The following BAZ2B variants were observed in gnomAD, a reference collection of about 807,000 sequenced individuals.
The protein encoded by BAZ2B is bromodomain adjacent to zinc finger domain protein 2B.
BAZ2B carries 91 observed loss-of-function variants against 246.0 expected under a neutral mutation model. The observed-to-expected ratio is 0.37, with a 90% CI of 0.31 to 0.44. The LOEUF (loss-of-function observed/expected upper bound fraction) is 0.44. Ranked by LOEUF, BAZ2B falls within the 20% of genes least tolerant of loss-of-function variation. The pLI is 1.00. For synonymous variants in BAZ2B, 855 were observed against 860.0 expected, an observed-to-expected ratio of 0.99 and a Z score of 0.10; for missense variants, 2,332 against 2,533.7, an observed-to-expected ratio of 0.92 and a Z score of 1.71.
chr2:159,704,589 T>C, the BAZ2B span, among the ~76,000 whole-genome samples: 1 of 151,804 alleles, frequency 6.6e-6, no homozygotes, highest in Non-Finnish European at 1.5e-5. Context: ...TTCAAGTGAT[T>C]CTCCTGCCTC....
At chr2:159,615,119 G>A (rs1466129680) in intron 1 of BAZ2B, among the ~76,000 whole-genome samples, 1 of 152,096 alleles carries the variant, frequency 6.6e-6, no homozygotes, top group Non-Finnish European at 1.5e-5. Flanking sequence ...TTATAAGGAA[G>A]CAACAGACAA....
intron 31 of BAZ2B, among the ~76,000 whole-genome samples, chr2:159,343,777 A>T (rs906008164): frequency 2.6e-5 from 4 of 152,170 alleles, no homozygotes; most frequent in African/African-American, 9.7e-5. Context: ...CTGTAATCCC[A>T]GCACTTTGGG....
chr2:159,541,703 C>T (rs1054955460), intron 2 of BAZ2B, among the ~76,000 whole-genome samples: 3 of 152,168 alleles, frequency 2.0e-5, no homozygotes, highest in African/African-American at 7.2e-5. Flanking sequence ...GCTTTTAGTT[C>T]TTTCCTTCAA....
At chr2:159,336,206 TATAATAG>T (rs1283948612) in intron 33 of BAZ2B, among the ~76,000 whole-genome samples, 1 of 152,144 alleles carries the variant, frequency 6.6e-6, no homozygotes, top group Non-Finnish European at 1.5e-5. Flanking sequence ...AAAGACTACA[TATAATAG>T]ATAATTCTAT....
the BAZ2B span, among the ~76,000 whole-genome samples, chr2:159,705,355 G>A: frequency 6.6e-6 from 1 of 152,030 alleles, no homozygotes; most frequent in South Asian, 2.1e-4. Flanking sequence ...ACAAGTAGGT[G>A]ACAGAAAAAC....
chr2:159,705,394 CAA>C, the BAZ2B span, among the ~76,000 whole-genome samples: 3 of 152,102 alleles, frequency 2.0e-5, no homozygotes, highest in African/African-American at 7.2e-5. Context: ...GAGAAAGATT[CAA>C]AAGATAGGTA....
At chr2:159,670,442 C>T in the BAZ2B span, among the ~76,000 whole-genome samples, 3 of 152,170 alleles carry the variant, frequency 2.0e-5, no homozygotes, top group Non-Finnish European at 4.4e-5. Context: ...TATCTCTTCT[C>T]TTCATGTAAA....
the BAZ2B span, among the ~76,000 whole-genome samples, chr2:159,709,108 T>A: frequency 6.0e-5 from 9 of 150,604 alleles, no homozygotes; most frequent in East Asian, 1.7e-3. Flanking sequence ...CCCTTAGAAG[T>A]AGGAGTCCTC....
chr2:159,704,871 T>C, the BAZ2B span, among the ~76,000 whole-genome samples: 1 of 151,916 alleles, frequency 6.6e-6, no homozygotes, highest in Non-Finnish European at 1.5e-5. Context: ...CCCGGCTAAT[T>C]TTTTGTATTT....
chr2:159,473,036 T>C (rs547465878), intron 3 of BAZ2B, among the ~76,000 whole-genome samples: 2 of 152,314 alleles, frequency 1.3e-5, no homozygotes, highest in South Asian at 2.1e-4. Context: ...TTTTCTATTG[T>C]TTGGAATAGT....
the BAZ2B span, among the ~76,000 whole-genome samples, chr2:159,654,707 G>A: frequency 6.6e-6 from 1 of 152,198 alleles, no homozygotes; most frequent in Non-Finnish European, 1.5e-5. Context: ...GGGCATGGTG[G>A]CTCACACCTG....
intron 1 of BAZ2B, among the ~76,000 whole-genome samples, chr2:159,599,431 C>T (rs1691546837): frequency 6.6e-6 from 1 of 150,816 alleles, no homozygotes; most frequent in Non-Finnish European, 1.5e-5. Context: ...CCAGCCTGAC[C>T]AACATGGAGA....
rs1196684681 is a variant in BAZ2B at position 159,405,049 on chromosome 2, C to T, written c.2743G>A (p.Val915Ile). 6.2e-7 allele frequency: 1 copy of T among 1,613,908 alleles called. No homozygotes were observed. Among genetic ancestry groups the T allele is most frequent in the East Asian group, 2.2e-5 (1 of 44,878 alleles). Residue 915 changes from valine to isoleucine, a missense_variant, in exon 15 of 37, where the codon GTT becomes ATT. Val to Ile is a conservative substitution (Grantham distance 29). Transcript: ENST00000392783. The part of the protein sequence containing the change: ...RKLQKQEQAR[V>I]AKEAKKQQAI... ...TGTTGTTTTTTGGCTTCTTTAGCAA[C>T]CCGAGCCTGTTCCTGCTTTTGAAGT...
intron 26 of BAZ2B, among the ~76,000 whole-genome samples, chr2:159,374,066 G>GTTTTTTTTTT: frequency 8.0e-6 from 1 of 125,224 alleles, no homozygotes; most frequent in Admixed American, 8.4e-5. Flanking sequence ...GTTTTTCTTA[G>GTTTTTTTTTT]TTTTTTTTTC....
intron 1 of BAZ2B, among the ~76,000 whole-genome samples, chr2:159,607,839 C>A (rs952927416): frequency 2.0e-5 from 3 of 152,208 alleles, no homozygotes; most frequent in Admixed American, 2.0e-4. Context: ...GAAGCCATCT[C>A]TCTCCTACTA....
the BAZ2B span, among the ~76,000 whole-genome samples, chr2:159,696,448 C>T: frequency 1.3e-5 from 2 of 152,140 alleles, no homozygotes; most frequent in Non-Finnish European, 2.9e-5. Context: ...TTTTTACCCT[C>T]TTCTCCCCTA....
At chr2:159,598,404 A>T (rs1008109858) in intron 1 of BAZ2B, among the ~76,000 whole-genome samples, 2 of 152,238 alleles carry the variant, frequency 1.3e-5, no homozygotes, top group Non-Finnish European at 2.9e-5. Context: ...AGAGATATTT[A>T]GCTTTTCCTA....
chr2:159,711,658 A>G, the BAZ2B span, among the ~76,000 whole-genome samples: 1 of 152,180 alleles, frequency 6.6e-6, no homozygotes, highest in East Asian at 1.9e-4. Context: ...TCAACATATC[A>G]TCTAAATATT....
chr2:159,432,623 C>T (rs1272985081), intron 9 of BAZ2B, 134 bp downstream of exon 9: 4 of 1,208,724 alleles, frequency 3.3e-6, no homozygotes, highest in Non-Finnish European at 4.5e-6. Context: ...TTTATGAGCT[C>T]ATTATAGAAA....
Sources: gnomAD v4.1 joint callset for allele counts (sites outside exome capture counted in the v4.1 genomes callset) on GRCh38, gnomAD v4.1.1 for gene constraint, MANE v1.5 for transcripts, NCBI Gene and HGNC (gene_info 2026-07-23, HGNC 2026-07-21) for gene names.